BABAM2: variants seen among roughly 807,000 people sequenced by gnomAD.
BABAM2 encodes BRISC and BRCA1-A complex member 2.
BABAM2 carries 31 observed loss-of-function variants against 54.7 expected under a neutral mutation model. That is an observed-to-expected ratio of 0.57 (90% CI 0.43 to 0.77). The LOEUF is 0.77. Ranked by LOEUF, BABAM2 falls within the 30% of genes least tolerant of loss-of-function variation. The probability of loss-of-function intolerance (pLI) is 0.00; values close to 1 mark genes in which losing one functional copy is unlikely to be tolerated. For missense variants in BABAM2, 364 were observed against 455.8 expected (o/e 0.80, Z 1.83); for synonymous variants, 167 against 162.9 (o/e 1.03, Z -0.19).
intron 4 of BABAM2, among the ~76,000 whole-genome samples, chr2:28,009,127 GTT>G (rs1240389292): frequency 2.0e-5 from 3 of 152,128 alleles, no homozygotes; most frequent in Non-Finnish European, 2.9e-5. Flanking sequence ...AAAAGTAAGT[GTT>G]CTGGGTTTTG....
intron 3 of BABAM2, among the ~76,000 whole-genome samples, chr2:27,957,535 A>G (rs1343049747): frequency 6.6e-6 from 1 of 152,202 alleles, no homozygotes; most frequent in Non-Finnish European, 1.5e-5. Context: ...GCCTAGAATT[A>G]CCATCTCATT....
chr2:28,209,087 A>G (rs1191884631), intron 7 of BABAM2, among the ~76,000 whole-genome samples: 1 of 152,162 alleles, frequency 6.6e-6, no homozygotes, highest in African/African-American at 2.4e-5. Context: ...ATTTGCAACA[A>G]TACAACTTTT....
chr2:28,311,040 T>C (rs1689038998), intron 11 of BABAM2, among the ~76,000 whole-genome samples: 1 of 151,964 alleles, frequency 6.6e-6, no homozygotes, highest in Non-Finnish European at 1.5e-5. Flanking sequence ...GGCAGGCGGA[T>C]CACAAGGTCA....
chr2:28,213,107 G>T (rs919497468), intron 7 of BABAM2, among the ~76,000 whole-genome samples: 7 of 151,982 alleles, frequency 4.6e-5, no homozygotes, highest in African/African-American at 2.4e-5. Flanking sequence ...CGCACCTGTG[G>T]TCCCAGCTAT....
chr2:27,901,472 C>A (rs1182845313), intron 2 of BABAM2, among the ~76,000 whole-genome samples: 1 of 152,186 alleles, frequency 6.6e-6, no homozygotes, highest in Non-Finnish European at 1.5e-5. Context: ...CCACAACTAC[C>A]TATTGCATTT....
At chr2:27,893,911 T>C (rs181271279) in intron 1 of BABAM2, among the ~76,000 whole-genome samples, 1 of 151,102 alleles carries the variant, frequency 6.6e-6, no homozygotes, top group East Asian at 2.0e-4. Flanking sequence ...GGAGAATCAC[T>C]TGAACCCGGG....
intron 3 of BABAM2, among the ~76,000 whole-genome samples, chr2:27,976,299 A>G (rs1344020569): frequency 6.6e-6 from 1 of 152,136 alleles, no homozygotes; most frequent in Non-Finnish European, 1.5e-5. Flanking sequence ...ACTGGAAATC[A>G]CCTACATGTC....
At chr2:28,199,450 T>C (rs1483374668) in intron 7 of BABAM2, among the ~76,000 whole-genome samples, 1 of 152,238 alleles carries the variant, frequency 6.6e-6, no homozygotes, top group Non-Finnish European at 1.5e-5. Context: ...ATAAATGACT[T>C]TGTTCATTCT....
chr2:28,272,360 A>G (rs1685489540), intron 10 of BABAM2, among the ~76,000 whole-genome samples: 1 of 152,244 alleles, frequency 6.6e-6, no homozygotes, highest in East Asian at 1.9e-4. Flanking sequence ...ATGATCCTTT[A>G]GGCAAAATCC....
At chr2:27,976,537 G>T (rs1301513607) in intron 3 of BABAM2, among the ~76,000 whole-genome samples, 1 of 152,096 alleles carries the variant, frequency 6.6e-6, no homozygotes, top group African/African-American at 2.4e-5. Context: ...CAGGTCAGAG[G>T]TTTCCAGGAA....
chr2:28,166,938 G>A (rs918697647), intron 7 of BABAM2, among the ~76,000 whole-genome samples: 3 of 152,172 alleles, frequency 2.0e-5, no homozygotes, highest in African/African-American at 7.2e-5. Flanking sequence ...ATATCCAAGA[G>A]ACAGTTAGAA....
intron 6 of BABAM2, among the ~76,000 whole-genome samples, chr2:28,061,584 C>CAAAAAA (rs397871191): frequency 1.8e-5 from 1 of 54,068 alleles, no homozygotes. Flanking sequence ...GACTCTGTCT[C>CAAAAAA]AAAAAAAAAA....
chr2:28,092,390 A>C (rs974821917), intron 6 of BABAM2, among the ~76,000 whole-genome samples: 10 of 152,228 alleles, frequency 6.6e-5, no homozygotes, highest in Non-Finnish European at 1.3e-4. Flanking sequence ...GGGTAGTAGT[A>C]AAAATAATTT....
chr2:27,920,585 G>T (rs1284168913), intron 2 of BABAM2, among the ~76,000 whole-genome samples: 2 of 152,028 alleles, frequency 1.3e-5, no homozygotes, highest in Non-Finnish European at 2.9e-5. Context: ...TATTTTATTT[G>T]AGAGTCACTT....
chr2:28,011,702 A>C (rs1036497291), intron 4 of BABAM2, among the ~76,000 whole-genome samples: 3 of 152,188 alleles, frequency 2.0e-5, no homozygotes, highest in Admixed American at 2.0e-4. Flanking sequence ...CCAGTTGTAA[A>C]TAACAAATTG....
In BABAM2 at chr2:28,338,697, G is replaced by A. The variant is rs1691687622; in HGVS notation, c.*184G>A. On this transcript the variant is annotated 3_prime_UTR_variant, in exon 12 of 12. Transcript: ENST00000379624. ...CAACTTGAGCTGGCTGGTGGTCCCT[G>A]GATCCTAGAGCCCTTCACTTCGGGT... The A allele has an allele frequency of 3.2e-6, 2 of 624,158 alleles. No homozygotes were observed. Among genetic ancestry groups the A allele is most frequent in the Non-Finnish European group, 5.6e-6 (2 of 355,300 alleles). 38.7% of individuals were successfully genotyped at this position (624,158 alleles called of 1,614,324 possible).
At chr2:28,305,651 CA>C (rs1011335019) in intron 11 of BABAM2, among the ~76,000 whole-genome samples, 1 of 151,926 alleles carries the variant, frequency 6.6e-6, no homozygotes, top group African/African-American at 2.4e-5. Context: ...TTCCTTTGTG[CA>C]AAAAATATTT....
intron 2 of BABAM2, among the ~76,000 whole-genome samples, chr2:27,906,598 A>G (rs2148292401): frequency 6.6e-6 from 1 of 152,270 alleles, no homozygotes; most frequent in South Asian, 2.1e-4. Flanking sequence ...TGGGGTAGTA[A>G]GTGCCAGGAT....
intron 2 of BABAM2, among the ~76,000 whole-genome samples, chr2:27,924,564 A>G (rs949375894): frequency 5.9e-5 from 9 of 151,966 alleles, no homozygotes; most frequent in African/African-American, 2.2e-4. Context: ...TTGTATTTTT[A>G]CTAAAGATGG....
Sources: allele counts gnomAD v4.1 joint callset (sites outside exome capture counted in the v4.1 genomes callset), GRCh38; gene constraint gnomAD v4.1.1; transcripts MANE v1.5; gene names NCBI Gene and HGNC (gene_info 2026-07-23, HGNC 2026-07-21).